SLC4A10: variants seen among roughly 807,000 people sequenced by gnomAD.
SLC4A10 encodes sodium-driven chloride bicarbonate exchanger.
A neutral mutation model predicts 137.7 loss-of-function variants in SLC4A10; 42 were observed. The observed-to-expected ratio is 0.30, with a 90% confidence interval of 0.24 to 0.39. SLC4A10 has a LOEUF of 0.39. SLC4A10 is among the 10% of genes least tolerant of loss of function. The probability of loss-of-function intolerance (pLI) is 1.00; values close to 1 mark genes in which losing one functional copy is unlikely to be tolerated. For synonymous variants in SLC4A10, 474 were observed against 464.1 expected (o/e 1.02, Z -0.27); for missense variants, 925 against 1,355.0 (o/e 0.68, Z 4.98).
intron 1 of SLC4A10, among the ~76,000 whole-genome samples, chr2:161,757,063 A>T (rs1054741920): frequency 6.6e-6 from 1 of 152,176 alleles, no homozygotes; most frequent in Non-Finnish European, 1.5e-5. Flanking sequence ...AGCAAAAGCT[A>T]AACATTGAGT....
intron 1 of SLC4A10, among the ~76,000 whole-genome samples, chr2:161,744,022 G>C (rs1246883674): frequency 2.0e-5 from 3 of 152,000 alleles, no homozygotes; most frequent in African/African-American, 7.2e-5. Context: ...AGCTCTAGTA[G>C]GCTTTTTTTG....
chr2:161,627,914 C>G (rs1473496032), intron 1 of SLC4A10, among the ~76,000 whole-genome samples: 1 of 152,036 alleles, frequency 6.6e-6, no homozygotes, highest in East Asian at 1.9e-4. Context: ...TATGTGAAAC[C>G]TCACACTCCA....
At chr2:161,707,801 G>A (rs1389887072) in intron 1 of SLC4A10, among the ~76,000 whole-genome samples, 1 of 151,446 alleles carries the variant, frequency 6.6e-6, no homozygotes, top group Non-Finnish European at 1.5e-5. Context: ...AAGATAAAAT[G>A]TATGTTGGTA....
intron 1 of SLC4A10, among the ~76,000 whole-genome samples, chr2:161,682,054 A>G (rs924999394): frequency 2.0e-5 from 3 of 152,118 alleles, no homozygotes; most frequent in Non-Finnish European, 2.9e-5. Context: ...CTTGACTTTA[A>G]TATGTAACTC....
chr2:161,965,467 G>A (rs1410783478), intron 23 of SLC4A10, among the ~76,000 whole-genome samples: 1 of 152,086 alleles, frequency 6.6e-6, no homozygotes, highest in African/African-American at 2.4e-5. Flanking sequence ...TCCTATGGAT[G>A]GCAGAAACTT....
chr2:161,976,990 A>G (rs1278717002), intron 25 of SLC4A10, 114 bp downstream of exon 25: 2 of 591,282 alleles, frequency 3.4e-6, no homozygotes, highest in Non-Finnish European at 5.6e-6. Context: ...AATATTCCAG[A>G]AAATTCTTTC....
At chr2:161,719,295 G>A (rs1466769999) in intron 1 of SLC4A10, among the ~76,000 whole-genome samples, 1 of 152,030 alleles carries the variant, frequency 6.6e-6, no homozygotes, top group African/African-American at 2.4e-5. Context: ...TCTTAATCCA[G>A]TCTATCATTG....
At chr2:161,886,946 C>G (rs1337049210) in intron 10 of SLC4A10, among the ~76,000 whole-genome samples, 1 of 152,026 alleles carries the variant, frequency 6.6e-6, no homozygotes, top group Non-Finnish European at 1.5e-5. Flanking sequence ...CCCCTAGTCC[C>G]CCACCCCTCA....
intron 3 of SLC4A10, among the ~76,000 whole-genome samples, chr2:161,812,010 C>T (rs970384313): frequency 3.3e-5 from 5 of 152,020 alleles, no homozygotes; most frequent in African/African-American, 1.2e-4. Flanking sequence ...TTCTGGGTAG[C>T]AATTTTACTT....
At chr2:161,885,286 T>TA (rs11295062) in intron 10 of SLC4A10, among the ~76,000 whole-genome samples, 3 of 151,880 alleles carry the variant, frequency 2.0e-5, no homozygotes, top group South Asian at 2.1e-4. Flanking sequence ...TTACTTTGGT[T>TA]AAAAAAAATA....
At chr2:161,884,497 G>A (rs62188795) in intron 10 of SLC4A10, among the ~76,000 whole-genome samples, 10,421 of 152,224 alleles carry the variant, frequency 0.068, 464 homozygotes, top group East Asian at 0.13. Flanking sequence ...TCAGATTTAG[G>A]ATGAGAACAG....
At chr2:161,668,242 G>C (rs767941887) in intron 1 of SLC4A10, among the ~76,000 whole-genome samples, 1 of 151,776 alleles carries the variant, frequency 6.6e-6, no homozygotes, top group Non-Finnish European at 1.5e-5. Flanking sequence ...AAAGGGGAGA[G>C]GAAGAAGGGA....
rs1054974291 is a variant in SLC4A10 at position 161,907,529 on chromosome 2, G to A, written c.1997+1642G>A. On this transcript the variant is annotated intron_variant, in intron 15 of 26. Transcript: ENST00000446997. ...CTCAGTGAGCTTCCAGTTTAGTAGG[G>A]AATGTAGATAAACAGACAGCATAAG... is the stretch of plus-strand genomic sequence containing the variant. 4.6e-5 allele frequency among the ~76,000 whole-genome samples: 7 copies of A among 152,298 alleles called. No individual in the cohort carries two copies. In the East Asian group the frequency reaches 1.4e-3, roughly 29 times the overall value.
intron 3 of SLC4A10, among the ~76,000 whole-genome samples, chr2:161,816,873 C>G (rs1357195782): frequency 2.6e-5 from 4 of 152,076 alleles, no homozygotes; most frequent in Non-Finnish European, 5.9e-5. Context: ...TTAATCCAGT[C>G]TATCATTGTT....
intron 7 of SLC4A10, among the ~76,000 whole-genome samples, 186 bp downstream of exon 7, chr2:161,872,570 A>C (rs2061201176): frequency 6.6e-6 from 1 of 152,320 alleles, no homozygotes; most frequent in South Asian, 2.1e-4. Context: ...AAAAAAAAAA[A>C]AAAACTGAAC....
At position 161,958,409 on chromosome 2, in the gene SLC4A10, GT is replaced by G; in HGVS notation, c.2794-71del. 6.4e-6 allele frequency: 8 copies of G among 1,249,676 alleles called. No homozygotes were observed. The South Asian group carries it at 6.4e-5, about 10-fold the overall frequency. 77.4% of individuals were successfully genotyped at this position (1,249,676 alleles called of 1,614,324 possible). A position where few individuals can be genotyped will look rare whatever the true frequency, so the allele number is the denominator to read the frequency against. Reference sequence around the variant, plus strand: ...CTATTCAAAAATGCCTTTTTTCCCTGTTTTTTTCTTTGATAAATGCAAAACC... The same window carrying G: ...CTATTCAAAAATGCCTTTTTTCCCTGTTTTTTCTTTGATAAATGCAAAACC... On this transcript the variant is annotated intron_variant, in intron 20 of 26. Coordinates refer to ENST00000446997, the MANE Select transcript of SLC4A10 (RefSeq NM_001178015.2).
At chr2:161,939,665 T>C (rs1358144955) in intron 15 of SLC4A10, among the ~76,000 whole-genome samples, 1 of 152,146 alleles carries the variant, frequency 6.6e-6, no homozygotes, top group Non-Finnish European at 1.5e-5. Flanking sequence ...GCTATTAACA[T>C]ATATTATTTT....
intron 1 of SLC4A10, among the ~76,000 whole-genome samples, chr2:161,759,041 T>C (rs1029980463): frequency 9.2e-5 from 14 of 152,130 alleles, no homozygotes; most frequent in Admixed American, 9.2e-4. Context: ...ATCAATTTAT[T>C]GGCTCAGCAT....
At chr2:161,810,877 A>G (rs1486711467) in intron 3 of SLC4A10, among the ~76,000 whole-genome samples, 15 of 151,990 alleles carry the variant, frequency 9.9e-5, no homozygotes, top group Admixed American at 2.6e-4. Flanking sequence ...ATGACTTTGT[A>G]TAATATGTTA....
Sources: allele counts gnomAD v4.1 joint callset (sites outside exome capture counted in the v4.1 genomes callset), GRCh38; gene constraint gnomAD v4.1.1; transcripts MANE v1.5; gene names NCBI Gene and HGNC (gene_info 2026-07-23, HGNC 2026-07-21).